The following HTR3B variants were observed in gnomAD, a reference collection of about 807,000 sequenced individuals.
HTR3B encodes 5-hydroxytryptamine (serotonin) receptor 3B, ionotropic.
A neutral mutation model predicts 42.8 loss-of-function variants in HTR3B; 44 were observed. That is an observed-to-expected ratio of 1.03 (90% CI 0.81 to 1.32). The LOEUF is 1.32. HTR3B is among the 40% of genes most tolerant of loss of function. The pLI is 0.00. For synonymous variants in HTR3B, 203 were observed against 209.0 expected, an observed-to-expected ratio of 0.97 and a Z score of 0.25; for missense variants, 527 against 536.5, an observed-to-expected ratio of 0.98 and a Z score of 0.17.
chr11:113,922,488 C>A (rs1331329976), intron 2 of HTR3B, among the ~76,000 whole-genome samples: 2 of 152,194 alleles, frequency 1.3e-5, no homozygotes, highest in Non-Finnish European at 2.9e-5. Context: ...CTCACCTCAG[C>A]CTCCCAAAGT....
rs192567785 is a variant in HTR3B at position 113,931,847 on chromosome 11, C to T, written c.348C>T (p.Pro116=). The T allele has an allele frequency of 3.4e-5, 54 of 1,590,214 alleles. No homozygotes were observed. The East Asian group carries it at 6.9e-4, about 20-fold the overall frequency. ...TACCTCTAAGTGCCATCTGGGCCCC[C>T]GATATCATCATCAATGAGTTGTAAG... ...ISLPLSAIWA[P]DIIINEFVDI... is the part of the protein sequence containing the mutation. The change falls in exon 4 of 9, where the codon CCC becomes CCT. Residue 116 remains proline, a synonymous_variant. Coordinates refer to ENST00000260191, the MANE Select transcript of HTR3B (RefSeq NM_006028.5).
At chr11:113,910,511 G>A (rs946345948) in intron 2 of HTR3B, among the ~76,000 whole-genome samples, 2 of 151,122 alleles carry the variant, frequency 1.3e-5, no homozygotes, top group African/African-American at 4.9e-5. Context: ...CACGATCTCG[G>A]CTCACTGCAA....
In HTR3B at chr11:113,945,284, G is replaced by A. The variant is rs1327050169; in HGVS notation, c.1090+529G>A. Among the ~76,000 whole-genome samples, 3 of 151,870 alleles carry A rather than the reference G, an allele frequency of 2.0e-5. No individual in the cohort carries two copies. The East Asian group carries it at 5.8e-4, about 30-fold the overall frequency. On this transcript the variant is annotated intron_variant, in intron 8 of 8. Transcript: ENST00000260191. ...CGAGTAGCTAGGACTATAGGCGTGTGCCACCATGCCTTGCTAATTTTTGTA... is the reference window on the plus strand; with the variant it reads ...CGAGTAGCTAGGACTATAGGCGTGTACCACCATGCCTTGCTAATTTTTGTA...
intron 2 of HTR3B, among the ~76,000 whole-genome samples, chr11:113,930,716 C>T (rs1043292254): frequency 5.3e-5 from 8 of 151,980 alleles, no homozygotes; most frequent in South Asian, 2.1e-4. Flanking sequence ...TCTCAAACTC[C>T]GGGGCTCAGG....
chr11:113,910,460 A>G (rs1375273203), intron 2 of HTR3B, among the ~76,000 whole-genome samples: 1 of 120,036 alleles, frequency 8.3e-6, no homozygotes, highest in East Asian at 2.3e-4. Context: ...TTTTTTTTTG[A>G]GACGGAGTCT....
intron 2 of HTR3B, among the ~76,000 whole-genome samples, chr11:113,921,951 C>T (rs1165331442): frequency 6.6e-6 from 1 of 152,068 alleles, no homozygotes; most frequent in African/African-American, 2.4e-5. Context: ...TATATTCTGT[C>T]CCTCTAGTTT....
intron 2 of HTR3B, among the ~76,000 whole-genome samples, chr11:113,923,468 G>T (rs1402611209): frequency 1.3e-5 from 2 of 152,062 alleles, no homozygotes; most frequent in Non-Finnish European, 2.9e-5. Context: ...TGTCAATTCC[G>T]AATCCCAGAT....
chr11:113,926,637 C>T (rs1181210953), intron 2 of HTR3B, among the ~76,000 whole-genome samples: 6 of 151,810 alleles, frequency 4.0e-5, no homozygotes, highest in Non-Finnish European at 5.9e-5. Flanking sequence ...CAAGTGATCT[C>T]GTGCCTCAGC....
At position 113,932,806 on chromosome 11, in the gene HTR3B, A is replaced by G; in HGVS notation, c.539-130A>G. ...TTCCACATCCCTACCCCCTAATTCA[A>G]ATAAGGCCAAGGAGACTGTGCCTAT... On this transcript the variant is annotated intron_variant, in intron 5 of 8. Transcript: ENST00000260191. 5.6e-6 allele frequency: 5 copies of G among 888,702 alleles called. No homozygotes were observed. In the South Asian group the frequency reaches 8.3e-5, roughly 15 times the overall value. 55.1% of individuals were successfully genotyped at this position (888,702 alleles called of 1,614,324 possible).
chr11:113,939,561 T>G (rs1284759569), intron 6 of HTR3B, among the ~76,000 whole-genome samples: 1 of 152,160 alleles, frequency 6.6e-6, no homozygotes, highest in Admixed American at 6.5e-5. Context: ...CGTGGTCTGA[T>G]AAACCTGTAC....
chr11:113,907,695 T>C (rs1949744035), intron 1 of HTR3B, among the ~76,000 whole-genome samples: 1 of 152,198 alleles, frequency 6.6e-6, no homozygotes, highest in Non-Finnish European at 1.5e-5. Flanking sequence ...TGAGTCTTTG[T>C]GAGCAGACAG....
At chr11:113,909,898 A>C (rs1949769519) in intron 2 of HTR3B, among the ~76,000 whole-genome samples, 1 of 146,530 alleles carries the variant, frequency 6.8e-6, no homozygotes, top group Non-Finnish European at 1.5e-5. Flanking sequence ...GAGGGAGAAT[A>C]GCTTGAGCTT....
chr11:113,927,650 C>T (rs1949988902), intron 2 of HTR3B, among the ~76,000 whole-genome samples: 1 of 151,814 alleles, frequency 6.6e-6, no homozygotes, highest in Non-Finnish European at 1.5e-5. Flanking sequence ...ACAACCTCTG[C>T]CTCCTGGGTT....
At position 113,932,376 on chromosome 11, in the gene HTR3B, C is replaced by G; in HGVS notation, c.456C>G (p.Val152=). The G allele has an allele frequency of 6.2e-7, 1 of 1,613,868 alleles. No homozygotes were observed. The highest frequency in any genetic ancestry group is 8.5e-7 in the Non-Finnish European group (1 of 1,179,774). The change falls in exon 5 of 9, where the codon GTC becomes GTG. Residue 152 remains valine (V), a synonymous_variant. Transcript: ENST00000260191. ...AGAACTATAAGCCCATCCAGGTGGT[C>G]TCTGCGTGCAGTTTAGAGACATATG... is the stretch of plus-strand genomic sequence containing the variant. ...TIENYKPIQV[V]SACSLETYAF...
Position 113,915,892 on chromosome 11 carries a change from G to A in HTR3B, c.213+6437G>A, listed in dbSNP as rs552272633. On this transcript the variant is annotated intron_variant, in intron 2 of 8. Coordinates refer to ENST00000260191, the MANE Select transcript of HTR3B (RefSeq NM_006028.5). ...TTGATCTTGTCGCCTGGGCTGGAGT[G>A]CAGTGGCATGATCTCAGCTCACTGC... is the stretch of plus-strand genomic sequence containing the variant. 1.5e-3 allele frequency among the ~76,000 whole-genome samples: 224 copies of A among 152,238 alleles called. 1 individual carries two copies. The highest frequency in any genetic ancestry group is 5.0e-3 in the African/African-American group (207 of 41,540).
chr11:113,903,429 T>TTC (rs1491191715), upstream of HTR3B, among the ~76,000 whole-genome samples: 1 of 46,056 alleles, frequency 2.2e-5, no homozygotes, highest in Non-Finnish European at 3.6e-5. Flanking sequence ...TTTTCTTTTC[T>TTC]TTTTTTTTTT....
chr11:113,939,533 A>T (rs1950117321), intron 6 of HTR3B, among the ~76,000 whole-genome samples: 1 of 152,050 alleles, frequency 6.6e-6, no homozygotes, highest in Admixed American at 6.6e-5. Flanking sequence ...TCTCCCTCAG[A>T]TGATTTCTCG....
At chr11:113,924,218 T>C (rs1949945251) in intron 2 of HTR3B, among the ~76,000 whole-genome samples, 1 of 152,200 alleles carries the variant, frequency 6.6e-6, no homozygotes, top group African/African-American at 2.4e-5. Context: ...TTTTTTTCTT[T>C]CTATTTGTGG....
chr11:113,919,525 A>C (rs1333298522), intron 2 of HTR3B, among the ~76,000 whole-genome samples: 1 of 152,172 alleles, frequency 6.6e-6, no homozygotes, highest in Non-Finnish European at 1.5e-5. Context: ...AATTAATTTG[A>C]AACTTAAGAG....
Sources: gnomAD v4.1 joint callset for allele counts (sites outside exome capture counted in the v4.1 genomes callset) on GRCh38, gnomAD v4.1.1 for gene constraint, MANE v1.5 for transcripts, NCBI Gene and HGNC (gene_info 2026-07-23, HGNC 2026-07-21) for gene names.